The following OR2L13 variants were observed in gnomAD, a reference collection of about 807,000 sequenced individuals.
OR2L13 encodes olfactory receptor family 2 subfamily L member 13.
In OR2L13, 14 loss-of-function variants were observed where a neutral mutation model predicts 15.3. The ratio of observed to expected loss-of-function variants is 0.91; its 90% CI spans 0.60 to 1.43. OR2L13 has a LOEUF of 1.43. OR2L13 is among the 40% of genes most tolerant of loss of function. OR2L13 has a pLI of 0.00. For missense variants in OR2L13, 367 were observed against 387.9 expected (o/e 0.95, Z 0.45); for synonymous variants, 152 against 142.9 (o/e 1.06, Z -0.45).
chr1:248,095,994 C>A (rs1025953544), upstream of OR2L13, among the ~76,000 whole-genome samples: 1 of 151,896 alleles, frequency 6.6e-6, no homozygotes, highest in Non-Finnish European at 1.5e-5. Flanking sequence ...TGATTTGGGT[C>A]GGCTTTATCC....
the OR2L13 span, among the ~76,000 whole-genome samples, chr1:247,970,994 A>G: frequency 1.3e-5 from 2 of 152,198 alleles, no homozygotes; most frequent in African/African-American, 4.8e-5. Flanking sequence ...TCACTCCTTT[A>G]CTGATAAATG....
At chr1:247,969,552 T>C in the OR2L13 span, among the ~76,000 whole-genome samples, 1 of 152,204 alleles carries the variant, frequency 6.6e-6, no homozygotes, top group Admixed American at 6.5e-5. Flanking sequence ...TTACAAATGC[T>C]ATCTCATTTA....
the OR2L13 span, among the ~76,000 whole-genome samples, chr1:247,980,543 TG>T: frequency 6.6e-6 from 1 of 152,186 alleles, no homozygotes; most frequent in South Asian, 2.1e-4. Context: ...TAAACATAAT[TG>T]TTTCTTTTCC....
At chr1:248,075,885 G>A in the OR2L13 span, among the ~76,000 whole-genome samples, 1 of 152,114 alleles carries the variant, frequency 6.6e-6, no homozygotes, top group East Asian at 1.9e-4. Context: ...GGCTTTTGTT[G>A]CCATTGCTTT....
chr1:248,076,848 T>C, the OR2L13 span, among the ~76,000 whole-genome samples: 3 of 152,188 alleles, frequency 2.0e-5, no homozygotes, highest in Non-Finnish European at 4.4e-5. Flanking sequence ...TTCTCTTGCC[T>C]AATTGCCCTG....
the OR2L13 span, chr1:248,083,580 C>A: frequency 1.8e-6 from 2 of 1,131,300 alleles, no homozygotes; most frequent in Non-Finnish European, 2.6e-6. Context: ...GAGAGAATTA[C>A]AATGTGTTAA....
chr1:248,080,400 G>A, the OR2L13 span, among the ~76,000 whole-genome samples: 2 of 152,054 alleles, frequency 1.3e-5, no homozygotes, highest in African/African-American at 2.4e-5. Context: ...TCTACATTAG[G>A]TATTTCTCCT....
chr1:248,038,764 C>A, the OR2L13 span: 10 of 1,614,034 alleles, frequency 6.2e-6, no homozygotes, highest in African/African-American at 1.3e-5. Context: ...CTCTGTATCC[C>A]ATATTGCAAG....
At chr1:247,991,536 A>G in the OR2L13 span, among the ~76,000 whole-genome samples, 1 of 149,226 alleles carries the variant, frequency 6.7e-6, no homozygotes, top group Non-Finnish European at 1.5e-5. Flanking sequence ...AAGAGGTTCT[A>G]TACAGCTACC....
chr1:247,993,785 G>GAAAGAA, the OR2L13 span, among the ~76,000 whole-genome samples: 1 of 136,440 alleles, frequency 7.3e-6, no homozygotes, highest in African/African-American at 3.5e-5. Context: ...GAGAGAGAGA[G>GAAAGAA]AGAGAGAGAG....
chr1:248,056,075 T>A, the OR2L13 span, among the ~76,000 whole-genome samples: 1 of 152,222 alleles, frequency 6.6e-6, no homozygotes, highest in Non-Finnish European at 1.5e-5. Context: ...CTTTTAGTAT[T>A]CTCTGTTGGT....
At chr1:247,981,994 T>G in the OR2L13 span, among the ~76,000 whole-genome samples, 800 of 152,082 alleles carry the variant, frequency 5.3e-3, 11 homozygotes, top group Middle Eastern at 0.021. Flanking sequence ...GTTTTGTATT[T>G]TTAGTAGAGA....
the OR2L13 span, chr1:247,966,471 C>T: frequency 2.3e-6 from 2 of 854,546 alleles, no homozygotes; most frequent in African/African-American, 1.7e-5. Flanking sequence ...AGAATTCAGG[C>T]TTCTTAAATC....
At chr1:248,067,949 G>A in the OR2L13 span, among the ~76,000 whole-genome samples, 312 of 152,306 alleles carry the variant, frequency 2.0e-3, no homozygotes, top group Non-Finnish European at 3.4e-3. Context: ...GGGGAGGGGC[G>A]CCCGCCATTG....
the OR2L13 span, among the ~76,000 whole-genome samples, chr1:248,088,991 G>A: frequency 2.0e-5 from 3 of 151,872 alleles, no homozygotes; most frequent in East Asian, 1.9e-4. Context: ...GACACTGACC[G>A]GAGTCTGGAG....
chr1:247,990,788 A>G, the OR2L13 span: 116 of 1,603,028 alleles, frequency 7.2e-5, 1 homozygote, highest in Middle Eastern at 8.3e-4. Context: ...AGAGCCATCA[A>G]TCATTTTTTC....
chr1:248,030,048 G>A, the OR2L13 span: 1 of 152,022 alleles, frequency 6.6e-6, no homozygotes, highest in Non-Finnish European at 1.5e-5. Flanking sequence ...CTGGATTCAT[G>A]GTTGCTACTG....
At chr1:248,074,432 T>A in the OR2L13 span, among the ~76,000 whole-genome samples, 1 of 151,860 alleles carries the variant, frequency 6.6e-6, no homozygotes. Context: ...GATATGATTC[T>A]ATACCTAGAA....
the OR2L13 span, among the ~76,000 whole-genome samples, chr1:247,989,984 A>T: frequency 2.2e-4 from 33 of 151,964 alleles, no homozygotes; most frequent in African/African-American, 8.0e-4. Flanking sequence ...ATTTTGAGAG[A>T]AAGAAAAAAA....
Sources: allele counts gnomAD v4.1 joint callset (sites outside exome capture counted in the v4.1 genomes callset), GRCh38; gene constraint gnomAD v4.1.1; transcripts MANE v1.5; gene names NCBI Gene and HGNC (gene_info 2026-07-23, HGNC 2026-07-21).